NRG1: variants seen among roughly 807,000 people sequenced by gnomAD.
NRG1 encodes the protein neuregulin 1, also known as pro-neuregulin-1, membrane-bound isoform.
A neutral mutation model predicts 63.8 loss-of-function variants in NRG1; 18 were observed. That is an observed-to-expected ratio of 0.28 (90% CI 0.19 to 0.42). The LOEUF is 0.42. NRG1 is among the 10% of genes least tolerant of loss of function. The pLI is 1.00. For missense variants in NRG1, 762 were observed against 814.7 expected, an observed-to-expected ratio of 0.94 and a Z score of 0.79; for synonymous variants, 302 against 301.3, an observed-to-expected ratio of 1.00 and a Z score of -0.02.
chr8:32,499,036 G>A (rs1256103159), intron 1 of NRG1, among the ~76,000 whole-genome samples: 1 of 152,110 alleles, frequency 6.6e-6, no homozygotes, highest in African/African-American at 2.4e-5. Context: ...ACAAGATTTG[G>A]GTTAGTTCCT....
At chr8:32,766,754 A>G (rs777403447) in exon 12 of NRG1, 2 of 152,176 alleles carry the variant, frequency 1.3e-5, no homozygotes, top group African/African-American at 2.4e-5. Flanking sequence ...CTGATCACTC[A>G]CAGAGGTGGC....
At chr8:31,779,774 A>G (rs933134554) in intron 1 of NRG1, among the ~76,000 whole-genome samples, 3 of 152,246 alleles carry the variant, frequency 2.0e-5, no homozygotes, top group Admixed American at 2.0e-4. Flanking sequence ...AATAGCCTTT[A>G]GGCAAATTAT....
At chr8:31,728,702 A>G (rs2131342115) in intron 1 of NRG1, among the ~76,000 whole-genome samples, 1 of 152,356 alleles carries the variant, frequency 6.6e-6, no homozygotes, top group Non-Finnish European at 1.5e-5. Context: ...ACAAACTATT[A>G]CAAGTCATGG....
chr8:31,881,930 A>C (rs1324547361), intron 1 of NRG1, among the ~76,000 whole-genome samples: 1 of 152,216 alleles, frequency 6.6e-6, no homozygotes, highest in Admixed American at 6.5e-5. Context: ...AAGGTGGTGC[A>C]GCAAATACTG....
chr8:32,602,983 G>T (rs1844636046), intron 2 of NRG1, among the ~76,000 whole-genome samples: 2 of 152,090 alleles, frequency 1.3e-5, no homozygotes, highest in African/African-American at 2.4e-5. Context: ...AATTTTAAAA[G>T]TTGTCATATT....
At chr8:31,797,373 T>C (rs1821326745) in intron 1 of NRG1, among the ~76,000 whole-genome samples, 1 of 152,204 alleles carries the variant, frequency 6.6e-6, no homozygotes, top group African/African-American at 2.4e-5. Flanking sequence ...TTAGTCACCA[T>C]AAGTTGTGAG....
chr8:32,055,101 G>C (rs1423931824), intron 1 of NRG1, among the ~76,000 whole-genome samples: 1 of 151,566 alleles, frequency 6.6e-6, no homozygotes, highest in Non-Finnish European at 1.5e-5. Context: ...TATTGGCCAG[G>C]CTGGTCTCAA....
intron 5 of NRG1, among the ~76,000 whole-genome samples, chr8:32,649,671 C>T (rs867779396): frequency 6.6e-6 from 1 of 152,200 alleles, no homozygotes; most frequent in Admixed American, 6.5e-5. Context: ...TTGTAACTCC[C>T]GATCATTTCA....
intron 1 of NRG1, among the ~76,000 whole-genome samples, chr8:32,137,152 T>G (rs890612388): frequency 3.3e-5 from 5 of 152,142 alleles, no homozygotes; most frequent in African/African-American, 1.2e-4. Flanking sequence ...TTGTATAATA[T>G]AAAGACATTA....
chr8:31,647,746 A>G (rs966287919), intron 1 of NRG1, among the ~76,000 whole-genome samples: 1 of 152,208 alleles, frequency 6.6e-6, no homozygotes, highest in African/African-American at 2.4e-5. Flanking sequence ...ACACCTCCGG[A>G]CAATCCTTTC....
intron 5 of NRG1, among the ~76,000 whole-genome samples, chr8:32,652,585 C>T (rs1855363552): frequency 6.6e-6 from 1 of 151,858 alleles, no homozygotes; most frequent in South Asian, 2.1e-4. Context: ...TGCATCATAT[C>T]AAAATAATTT....
At chr8:32,142,390 G>T (rs1836385125) in intron 1 of NRG1, among the ~76,000 whole-genome samples, 1 of 152,186 alleles carries the variant, frequency 6.6e-6, no homozygotes, top group Admixed American at 6.5e-5. Context: ...TATGCTATAT[G>T]ATCTCCCTGA....
chr8:31,898,017 C>CAAAAA (rs34246447), intron 1 of NRG1, among the ~76,000 whole-genome samples: 3 of 125,896 alleles, frequency 2.4e-5, no homozygotes, highest in Non-Finnish European at 1.6e-5. Flanking sequence ...AATTCTATCT[C>CAAAAA]AAAAAAAAAA....
intron 1 of NRG1, among the ~76,000 whole-genome samples, chr8:32,205,695 T>A (rs2132332317): frequency 6.6e-6 from 1 of 152,312 alleles, no homozygotes; most frequent in East Asian, 1.9e-4. Flanking sequence ...AGCACCGACT[T>A]GCTACTGCTA....
At chr8:31,873,664 G>A (rs948140564) in intron 1 of NRG1, among the ~76,000 whole-genome samples, 4 of 152,078 alleles carry the variant, frequency 2.6e-5, no homozygotes, top group African/African-American at 7.2e-5. Flanking sequence ...TTGTGAAATG[G>A]GTCTGAATGC....
At chr8:31,816,517 T>C (rs1298618382) in intron 1 of NRG1, among the ~76,000 whole-genome samples, 1 of 152,264 alleles carries the variant, frequency 6.6e-6, no homozygotes. Context: ...ATATTATTAA[T>C]GCCTCGTGAC....
intron 1 of NRG1, among the ~76,000 whole-genome samples, chr8:32,539,949 G>A (rs1476817846): frequency 6.6e-6 from 1 of 152,192 alleles, no homozygotes; most frequent in African/African-American, 2.4e-5. Flanking sequence ...GAAGGCACTG[G>A]TAAACTTTGA....
chr8:31,721,161 C>G (rs899402405), intron 1 of NRG1, among the ~76,000 whole-genome samples: 10 of 152,010 alleles, frequency 6.6e-5, no homozygotes, highest in Non-Finnish European at 1.3e-4. Flanking sequence ...GGAAACTTTG[C>G]CAATTTTTTT....
chr8:32,009,077 T>C (rs79612970), intron 1 of NRG1, among the ~76,000 whole-genome samples: 3,611 of 152,172 alleles, frequency 0.024, 77 homozygotes, highest in Middle Eastern at 0.061. Flanking sequence ...CACTGGTTAT[T>C]TTTAGGGAGC....
Sources: gnomAD v4.1 joint callset for allele counts (sites outside exome capture counted in the v4.1 genomes callset) on GRCh38, gnomAD v4.1.1 for gene constraint, MANE v1.5 for transcripts, NCBI Gene and HGNC (gene_info 2026-07-23, HGNC 2026-07-21) for gene names.